Variants in SPRED1 observed in about 807,000 individuals in gnomAD.
SPRED1 encodes sprouty-related, EVH1 domain-containing protein 1.
SPRED1 carries 18 observed loss-of-function variants against 52.3 expected under a neutral mutation model. The ratio of observed to expected loss-of-function variants is 0.34; its 90% CI spans 0.24 to 0.51. SPRED1 has a LOEUF of 0.51. Ranked by LOEUF, SPRED1 falls within the 20% of genes least tolerant of loss-of-function variation. The pLI is 0.97. For missense variants in SPRED1, 485 were observed against 551.0 expected, an observed-to-expected ratio of 0.88 and a Z score of 1.20; for synonymous variants, 155 against 179.7, an observed-to-expected ratio of 0.86 and a Z score of 1.10.
chr15:38,298,277 A>G (rs79078858), intron 1 of SPRED1, among the ~76,000 whole-genome samples: 3,869 of 152,288 alleles, frequency 0.025, 57 homozygotes, highest in Middle Eastern at 0.054. Context: ...TAACAGTACA[A>G]CCACTTTGGA....
At chr15:38,275,561 G>T (rs533734081) in intron 1 of SPRED1, among the ~76,000 whole-genome samples, 5 of 152,080 alleles carry the variant, frequency 3.3e-5, no homozygotes, top group Non-Finnish European at 5.9e-5. Flanking sequence ...GCAATGGCGT[G>T]ATCTTGGCTT....
chr15:38,290,978 A>G (rs143310163), intron 1 of SPRED1, among the ~76,000 whole-genome samples: 277 of 152,218 alleles, frequency 1.8e-3, no homozygotes, highest in Non-Finnish European at 2.9e-3. Flanking sequence ...TTTTACCATT[A>G]ACCCAAAAGT....
intron 4 of SPRED1, among the ~76,000 whole-genome samples, chr15:38,339,065 A>AT (rs1895978517): frequency 6.6e-6 from 1 of 152,100 alleles, no homozygotes; most frequent in Non-Finnish European, 1.5e-5. Context: ...AAAAAATTAA[A>AT]TGAAACAAAG....
intron 4 of SPRED1, among the ~76,000 whole-genome samples, chr15:38,334,990 T>C (rs1439041872): frequency 6.6e-6 from 1 of 152,056 alleles, no homozygotes; most frequent in Admixed American, 6.6e-5. Context: ...TGAGTATTAC[T>C]ACCTATTTTT....
chr15:38,287,224 A>G (rs1220171552), intron 1 of SPRED1, among the ~76,000 whole-genome samples: 1 of 152,204 alleles, frequency 6.6e-6, no homozygotes, highest in East Asian at 1.9e-4. Flanking sequence ...TTTTACCTCC[A>G]GAAGACATCT....
intron 4 of SPRED1, among the ~76,000 whole-genome samples, chr15:38,329,930 A>G (rs977045552): frequency 6.6e-6 from 1 of 152,190 alleles, no homozygotes; most frequent in African/African-American, 2.4e-5. Context: ...TTATGTAGCT[A>G]TACTACAATT....
intron 1 of SPRED1, among the ~76,000 whole-genome samples, chr15:38,282,335 ACACACACATG>A (rs1326988753): frequency 2.6e-4 from 13 of 49,996 alleles, no homozygotes; most frequent in South Asian, 8.5e-4. Flanking sequence ...ACACACACAC[ACACACACATG>A]CACACACACA....
intron 1 of SPRED1, among the ~76,000 whole-genome samples, chr15:38,292,415 A>T (rs1324900064): frequency 6.6e-6 from 1 of 152,132 alleles, no homozygotes; most frequent in African/African-American, 2.4e-5. Context: ...ACTGGTACCA[A>T]TTTACTGTAT....
At position 38,253,184 on chromosome 15, in the gene SPRED1, A is replaced by T. The variant is rs773950720; in HGVS notation, c.-2A>T. ...TCCAGATCGGATCACGGTGAGGGAA[A>T]GATGAGCGAGGAGACGGCGACTTCT... On this transcript the variant is annotated 5_prime_UTR_variant, in exon 1 of 7. In the 5' UTR this introduces an upstream ATG that the reference lacks. Transcript: ENST00000299084. 110 of 1,579,638 alleles carry T rather than the reference A, an allele frequency of 7.0e-5. No individual in the cohort carries two copies. Among genetic ancestry groups the T allele is most frequent in the Non-Finnish European group, 9.3e-5 (108 of 1,161,732 alleles).
chr15:38,324,117 TTTC>T (rs1159685858), intron 3 of SPRED1, among the ~76,000 whole-genome samples: 1 of 152,202 alleles, frequency 6.6e-6, no homozygotes, highest in Non-Finnish European at 1.5e-5. Context: ...AAAGGGCGCA[TTTC>T]TTCTTATCTC....
Position 38,354,259 on chromosome 15 carries a change from A to T in SPRED1, c.*2595A>T, listed in dbSNP as rs1471073059. 1 of 152,208 alleles carries T rather than the reference A, an allele frequency of 6.6e-6. No homozygotes were observed. The highest frequency in any genetic ancestry group is 1.9e-4 in the East Asian group (1 of 5,202). The allele number at this position is 152,208 out of a possible 1,614,324, so 9.4% of individuals were successfully genotyped here. ...TAGGCACCTTCAGGAACATTTTCTC[A>T]TTCTCTGTACAGATTCGGCACTGCC... On this transcript the variant is annotated 3_prime_UTR_variant, in exon 7 of 7. Coordinates refer to ENST00000299084, the MANE Select transcript of SPRED1 (RefSeq NM_152594.3).
At chr15:38,282,849 G>T (rs1249797767) in intron 1 of SPRED1, among the ~76,000 whole-genome samples, 1 of 151,820 alleles carries the variant, frequency 6.6e-6, no homozygotes, top group Non-Finnish European at 1.5e-5. Flanking sequence ...AGCTTTGTAA[G>T]TCCCTCGCTG....
At chr15:38,297,470 T>G (rs1895063214) in intron 1 of SPRED1, among the ~76,000 whole-genome samples, 2 of 152,188 alleles carry the variant, frequency 1.3e-5, no homozygotes, top group South Asian at 4.1e-4. Flanking sequence ...AACCCAACCT[T>G]CATGCACCCG....
intron 1 of SPRED1, among the ~76,000 whole-genome samples, chr15:38,285,674 G>T (rs1293850024): frequency 2.0e-5 from 3 of 152,096 alleles, no homozygotes; most frequent in African/African-American, 7.2e-5. Context: ...GACTCTTTCC[G>T]TGCGTGAAAT....
Position 38,354,231 on chromosome 15 carries a change from G to A in SPRED1, c.*2567G>A, listed in dbSNP as rs1292580587. The A allele has an allele frequency of 6.6e-6, 1 of 152,154 alleles. No homozygotes were observed. The highest frequency in any genetic ancestry group is 1.5e-5 in the Non-Finnish European group (1 of 68,038). 9.4% of individuals were successfully genotyped at this position (152,154 alleles called of 1,614,324 possible). On this transcript the variant is annotated 3_prime_UTR_variant, in exon 7 of 7. Coordinates refer to ENST00000299084, the MANE Select transcript of SPRED1 (RefSeq NM_152594.3). ...TTAAATCACTGATTCTTAAACATGT[G>A]TATAGGCACCTTCAGGAACATTTTC...
chr15:38,316,353 TAAA>T (rs1177146472), intron 2 of SPRED1, among the ~76,000 whole-genome samples: 3 of 151,972 alleles, frequency 2.0e-5, no homozygotes, highest in African/African-American at 7.2e-5. Context: ...GACAAAAACA[TAAA>T]AAATAAAAAT....
chr15:38,331,825 A>G (rs1566870252), intron 4 of SPRED1, among the ~76,000 whole-genome samples: 1 of 152,166 alleles, frequency 6.6e-6, no homozygotes, highest in African/African-American at 2.4e-5. Flanking sequence ...TAGCTTGGTA[A>G]TATAATTGAA....
chr15:38,285,414 A>G (rs150965234), intron 1 of SPRED1, among the ~76,000 whole-genome samples: 38 of 152,246 alleles, frequency 2.5e-4, no homozygotes, highest in African/African-American at 8.9e-4. Context: ...CAGTAGGAGC[A>G]CCCCATTGAG....
intron 5 of SPRED1, among the ~76,000 whole-genome samples, chr15:38,345,188 G>A (rs374934828): frequency 3.9e-5 from 6 of 152,134 alleles, no homozygotes; most frequent in African/African-American, 9.7e-5. Flanking sequence ...GACTAAAGTC[G>A]TCTTCAGAGA....
Sources: gnomAD v4.1 joint callset for allele counts (sites outside exome capture counted in the v4.1 genomes callset) on GRCh38, gnomAD v4.1.1 for gene constraint, MANE v1.5 for transcripts, NCBI Gene and HGNC (gene_info 2026-07-23, HGNC 2026-07-21) for gene names.